The following PLA2G5 variants were observed in gnomAD, a reference collection of about 807,000 sequenced individuals.
The protein encoded by PLA2G5 is Ca2+-dependent phospholipase A2.
Under a neutral mutation model 15.9 loss-of-function variants are expected in PLA2G5, and 12 were observed. The observed-to-expected ratio is 0.76, with a 90% CI of 0.48 to 1.23. The LOEUF is 1.23. Ranked by LOEUF, PLA2G5 falls within the 50% of genes most tolerant of loss-of-function variation. The pLI, the probability that PLA2G5 is intolerant of heterozygous loss-of-function variation, is 0.00. For missense variants in PLA2G5, 169 were observed against 177.1 expected (o/e 0.95, Z 0.26); for synonymous variants, 71 against 71.4 (o/e 0.99, Z 0.03).
chr1:20,045,629 G>A (rs2013864134), intron 1 of PLA2G5, among the ~76,000 whole-genome samples: 1 of 152,182 alleles, frequency 6.6e-6, no homozygotes, highest in South Asian at 2.1e-4. Context: ...AGTAAAAAGA[G>A]GCTGCTTACC....
chr1:20,036,443 C>A (rs146924777), intron 1 of PLA2G5, among the ~76,000 whole-genome samples: 2 of 152,076 alleles, frequency 1.3e-5, no homozygotes, highest in East Asian at 1.9e-4. Flanking sequence ...TTTAAAAATT[C>A]TTTTTTCTTT....
upstream of PLA2G5, among the ~76,000 whole-genome samples, chr1:20,066,353 C>G (rs560239763): frequency 6.6e-6 from 1 of 152,264 alleles, no homozygotes; most frequent in Middle Eastern, 3.4e-3. Context: ...GGAAGCATTT[C>G]TCTTAGTCTG....
intron 1 of PLA2G5, among the ~76,000 whole-genome samples, chr1:20,075,464 A>C (rs1193176823): frequency 6.6e-6 from 1 of 152,264 alleles, no homozygotes; most frequent in East Asian, 1.9e-4. Flanking sequence ...GTATCAACTC[A>C]GAACATAGAC....
chr1:20,052,244 T>C (rs1333225368), intron 1 of PLA2G5, among the ~76,000 whole-genome samples: 1 of 151,980 alleles, frequency 6.6e-6, no homozygotes, highest in African/African-American at 2.4e-5. Flanking sequence ...ATAGTACACC[T>C]GTTTTTACCT....
intron 1 of PLA2G5, among the ~76,000 whole-genome samples, chr1:20,054,516 G>A (rs906745036): frequency 1.3e-5 from 2 of 151,722 alleles, no homozygotes; most frequent in Non-Finnish European, 2.9e-5. Context: ...AGTAGATGTG[G>A]GAAATCATTT....
chr1:20,050,816 T>C (rs1459215630), intron 1 of PLA2G5, among the ~76,000 whole-genome samples: 1 of 152,170 alleles, frequency 6.6e-6, no homozygotes, highest in Non-Finnish European at 1.5e-5. Context: ...TTTACAAACT[T>C]TCCAAAATCA....
chr1:20,086,128 T>C lies in PLA2G5; in HGVS notation c.86T>C (p.Ile29Thr), dbSNP rs2100624025. ...GGCTTGCTGGACCTAAAATCAATGATCGAGAAGGTGACAGGGAAGAACGCC... is the reference window on the plus strand; with the variant it reads ...GGCTTGCTGGACCTAAAATCAATGACCGAGAAGGTGACAGGGAAGAACGCC... ...QGGLLDLKSM[I>T]EKVTGKNALT... The change falls in exon 3 of 5, where the codon ATC (isoleucine) becomes ACC (threonine). Residue 29 changes from isoleucine (I) to threonine (T), a missense_variant. By Grantham distance (89) the Ile-to-Thr change is moderately conservative. Transcript: ENST00000375108. 2 of 1,614,020 alleles carry C rather than the reference T, an allele frequency of 1.2e-6. No individual in the cohort carries two copies. Among genetic ancestry groups the C allele is most frequent in the Non-Finnish European group, 1.7e-6 (2 of 1,179,998 alleles).
chr1:20,081,943 T>G (rs2016051986), intron 1 of PLA2G5, among the ~76,000 whole-genome samples: 1 of 151,698 alleles, frequency 6.6e-6, no homozygotes, highest in Non-Finnish European at 1.5e-5. Context: ...TCTCAGCTAC[T>G]TGGGAGGCTG....
chr1:20,045,067 C>T (rs2013820621), intron 1 of PLA2G5, among the ~76,000 whole-genome samples: 1 of 152,050 alleles, frequency 6.6e-6, no homozygotes, highest in Non-Finnish European at 1.5e-5. Context: ...TTGAAAGTGC[C>T]ATTTTCTGGT....
chr1:20,030,963 C>A (rs868296107), intron 1 of PLA2G5, among the ~76,000 whole-genome samples: 5 of 152,154 alleles, frequency 3.3e-5, no homozygotes, highest in Admixed American at 2.0e-4. Flanking sequence ...TTTCTTATGT[C>A]TTCTTTCTAC....
intron 1 of PLA2G5, among the ~76,000 whole-genome samples, chr1:20,029,922 G>A (rs1432035882): frequency 6.6e-6 from 1 of 152,218 alleles, no homozygotes; most frequent in African/African-American, 2.4e-5. Flanking sequence ...ATAGGGGTGG[G>A]CAGACAAAAG....
intron 1 of PLA2G5, among the ~76,000 whole-genome samples, chr1:20,048,133 A>C (rs527736689): frequency 6.6e-6 from 1 of 152,308 alleles, no homozygotes; most frequent in African/African-American, 2.4e-5. Flanking sequence ...TAAAAGCTCT[A>C]ATTAATTGGC....
At chr1:20,086,032 A>G (rs1444265561) in intron 2 of PLA2G5, 51 bp from the exon 3 acceptor site, 6 of 1,606,764 alleles carry the variant, frequency 3.7e-6, no homozygotes. Flanking sequence ...GTGGGCCTAA[A>G]GCAGGGCTGG....
Position 20,089,950 on chromosome 1 carries a change from A to G in PLA2G5, c.292+55A>G. ...TGGAAGAGCACCTGACTTTAAGTTCAGCTGCCCTAGAGAACAGCCAGCCTG... is the reference window on the plus strand; with the variant it reads ...TGGAAGAGCACCTGACTTTAAGTTCGGCTGCCCTAGAGAACAGCCAGCCTG... On this transcript the variant is annotated intron_variant, in intron 4 of 4. Transcript: ENST00000375108. The G allele has an allele frequency of 2.3e-6, 3 of 1,289,434 alleles. 1 individual carries two copies. The South Asian group carries it at 4.0e-5, about 17-fold the overall frequency. The allele number at this position is 1,289,434 out of a possible 1,614,324, so 79.9% of individuals were successfully genotyped here. A position where few individuals can be genotyped will look rare whatever the true frequency, so the allele number is the denominator to read the frequency against.
chr1:20,073,519 C>T (rs2015497141), intron 1 of PLA2G5, among the ~76,000 whole-genome samples: 1 of 152,198 alleles, frequency 6.6e-6, no homozygotes, highest in South Asian at 2.1e-4. Context: ...GGGGCTGCTT[C>T]TACTTCCACA....
intron 1 of PLA2G5, among the ~76,000 whole-genome samples, chr1:20,045,441 C>G (rs12067148): frequency 0.29 from 44,297 of 151,884 alleles, 6,590 homozygotes; most frequent in Admixed American, 0.35. Context: ...GAAGGGAAGA[C>G]TGTCTTCCCA....
chr1:20,061,958 A>G (rs1444789089), intron 2 of PLA2G5, among the ~76,000 whole-genome samples: 3 of 152,202 alleles, frequency 2.0e-5, no homozygotes, highest in Admixed American at 6.5e-5. Context: ...AGGTGTTCGG[A>G]TCATGGAGGC....
intron 1 of PLA2G5, among the ~76,000 whole-genome samples, chr1:20,043,211 G>A (rs761485890): frequency 6.6e-5 from 10 of 152,124 alleles, no homozygotes; most frequent in Admixed American, 1.3e-4. Flanking sequence ...AGGTATTGAG[G>A]ACAAAAGAGT....
intron 1 of PLA2G5, among the ~76,000 whole-genome samples, chr1:20,049,826 T>C (rs1167472619): frequency 2.0e-5 from 3 of 152,186 alleles, no homozygotes; most frequent in Non-Finnish European, 4.4e-5. Flanking sequence ...AGTTCAACTT[T>C]TATTACATCT....
Sources: allele counts gnomAD v4.1 joint callset (sites outside exome capture counted in the v4.1 genomes callset), GRCh38; gene constraint gnomAD v4.1.1; transcripts MANE v1.5; gene names NCBI Gene and HGNC (gene_info 2026-07-23, HGNC 2026-07-21).